The following ST7L variants were observed in gnomAD, a reference collection of about 807,000 sequenced individuals.
ST7L encodes the protein suppression of tumorigenicity 7 like, also known as suppressor of tumorigenicity 7 protein-like.
Under a neutral mutation model 72.5 loss-of-function variants are expected in ST7L, and 57 were observed. The ratio of observed to expected loss-of-function variants is 0.79; its 90% CI spans 0.64 to 0.98. The LOEUF (loss-of-function observed/expected upper bound fraction) is 0.98. Among genes scored for constraint, ST7L ranks in the 50% least tolerant of loss-of-function variants. The pLI, the probability that ST7L is intolerant of heterozygous loss-of-function variation, is 0.00. For synonymous variants in ST7L, 221 were observed against 240.9 expected (o/e 0.92, Z 0.77); for missense variants, 576 against 672.2 (o/e 0.86, Z 1.58).
At chr1:112,533,207 G>A (rs990907939) in intron 14 of ST7L, among the ~76,000 whole-genome samples, 4 of 152,110 alleles carry the variant, frequency 2.6e-5, no homozygotes, top group Admixed American at 1.3e-4. Context: ...ATGCAGTAAC[G>A]TTTGAGTATG....
chr1:112,538,754 G>A (rs1422399915), intron 14 of ST7L, among the ~76,000 whole-genome samples: 1 of 152,176 alleles, frequency 6.6e-6, no homozygotes, highest in Non-Finnish European at 1.5e-5. Flanking sequence ...TAAACAAGAA[G>A]GGGGTAGGGT....
chr1:112,579,423 TAGTA>T (rs1387344716), intron 9 of ST7L, among the ~76,000 whole-genome samples: 1 of 147,692 alleles, frequency 6.8e-6, no homozygotes, highest in African/African-American at 2.5e-5. Flanking sequence ...AACCTGCTTA[TAGTA>T]AGTTCAGGGG....
chr1:112,599,073 A>AAAAAAAAAAAATATAT (rs1190968815), intron 4 of ST7L, among the ~76,000 whole-genome samples: 2 of 56,994 alleles, frequency 3.5e-5, no homozygotes, highest in Non-Finnish European at 6.2e-5. Flanking sequence ...AAAAAAAAAA[A>AAAAAAAAAAAATATAT]ATATATATAT....
rs549410386 is a variant in ST7L at position 112,549,077 on chromosome 1, A to T, written c.1489+1524T>A. Among the ~76,000 whole-genome samples the T allele has an allele frequency of 2.0e-5, 3 of 152,038 alleles. No homozygotes were observed. In the East Asian group the frequency reaches 5.8e-4, roughly 29 times the overall value. ...AGCGATTGTATTGAATCTATAGATC[A>T]ATTTGGAGAGAATCGTCATCTAAAT... is the stretch of plus-strand genomic sequence containing the variant. On this transcript the variant is annotated intron_variant, in intron 13 of 14. Coordinates refer to ENST00000358039, the MANE Select transcript of ST7L (RefSeq NM_017744.5).
At chr1:112,554,991 G>T (rs1371316988) in intron 12 of ST7L, among the ~76,000 whole-genome samples, 2 of 152,138 alleles carry the variant, frequency 1.3e-5, no homozygotes, top group East Asian at 3.9e-4. Context: ...CAAGACTGGG[G>T]AGTTATTATT....
At chr1:112,550,875 G>C (rs1557964278) in intron 12 of ST7L, among the ~76,000 whole-genome samples, 182 bp from the exon 13 acceptor site, 1 of 152,090 alleles carries the variant, frequency 6.6e-6, no homozygotes, top group East Asian at 1.9e-4. Context: ...TTAGATAATA[G>C]TGAATGGTCT....
chr1:112,582,428 T>C lies in ST7L; in HGVS notation c.901A>G (p.Met301Val), dbSNP rs752741137. The C allele has an allele frequency of 2.5e-6, 4 of 1,609,060 alleles. No homozygotes were observed. In the East Asian group the frequency reaches 6.7e-5, roughly 27 times the overall value. ...VLVYIKRRLA[M>V]CARKLGRIRE... is the part of the protein sequence containing the mutation. ...ATTCTTCCTAATTTTCTTGCACACA[T>C]TGCCAATCTTCTTTTAATATATACC... Residue 301 changes from methionine (M) to valine (V), a missense_variant, in exon 8 of 15, where the codon ATG becomes GTG. Met to Val is a conservative substitution (Grantham distance 21). Around this residue, in one of 3 missense-constraint regions of ST7L, gnomAD observed 511 missense variants for 600.7 expected, o/e 0.85. Transcript: ENST00000358039.
chr1:112,605,452 A>G (rs191302717), intron 3 of ST7L, among the ~76,000 whole-genome samples: 96 of 151,998 alleles, frequency 6.3e-4, no homozygotes, highest in African/African-American at 2.2e-3. Context: ...GCACTTTGGG[A>G]GGCCAAGACA....
downstream of ST7L, chr1:112,520,525 A>G (rs1251020602): frequency 6.2e-7 from 1 of 1,610,480 alleles, no homozygotes; most frequent in South Asian, 1.1e-5. Context: ...CAGATACCTC[A>G]CTCATCCCTC....
chr1:112,581,589 G>C (rs1664131385), intron 9 of ST7L, among the ~76,000 whole-genome samples: 1 of 151,888 alleles, frequency 6.6e-6, no homozygotes, highest in Admixed American at 6.6e-5. Context: ...TTTTTTTGTA[G>C]AGACAGGGTC....
intron 11 of ST7L, among the ~76,000 whole-genome samples, chr1:112,566,294 C>CTTTTTTTTTTTTTTTTTTTTT (rs33915951): frequency 4.6e-5 from 5 of 108,974 alleles, no homozygotes; most frequent in Non-Finnish European, 5.2e-5. Context: ...TTTTCTTCTT[C>CTTTTTTTTTTTTTTTTTTTTT]TTCTTTTTTT....
intron 4 of ST7L, among the ~76,000 whole-genome samples, chr1:112,599,973 GGCAGGAGTATTA>G (rs1317112167): frequency 6.6e-6 from 1 of 152,176 alleles, no homozygotes; most frequent in Non-Finnish European, 1.5e-5. Flanking sequence ...GGAAGGCCAA[GGCAGGAGTATTA>G]CTTGGGCCCA....
chr1:112,585,746 AAT>A (rs1664783250), intron 6 of ST7L, among the ~76,000 whole-genome samples: 1 of 152,026 alleles, frequency 6.6e-6, no homozygotes, highest in Non-Finnish European at 1.5e-5. Context: ...AAAAAAAAAA[AAT>A]TAATATTTTG....
At chr1:112,591,480 G>T in intron 6 of ST7L, 45 bp downstream of exon 6, 1 of 1,530,870 alleles carries the variant, frequency 6.5e-7, no homozygotes, top group South Asian at 1.2e-5. Context: ...CATTTGCCTT[G>T]GTTTCCTTCA....
Position 112,576,990 on chromosome 1 carries a change from G to A in ST7L, c.1241C>T (p.Pro414Leu), listed in dbSNP as rs149166844. ...HRAVEFNPHV[P>L]KYLLEMKSLI... ...TTTTATCATAAAATTTCTCACTTTT[G>A]GAACATGAGGATTAAATTCCACAGC... is the stretch of plus-strand genomic sequence containing the variant. Residue 414 changes from proline to leucine, a missense_variant, in exon 11 of 15, where the codon CCA becomes CTA. Coordinates refer to ENST00000358039, the MANE Select transcript of ST7L (RefSeq NM_017744.5). 8.0e-4 allele frequency: 1,273 copies of A among 1,593,778 alleles called. No individual in the cohort carries two copies. The highest frequency in any genetic ancestry group is 1.8e-3 in the Admixed American group (103 of 58,404).
chr1:112,584,462 C>T (rs1175208338), intron 6 of ST7L, among the ~76,000 whole-genome samples: 1 of 151,314 alleles, frequency 6.6e-6, no homozygotes, highest in Non-Finnish European at 1.5e-5. Context: ...AAAGAATTAT[C>T]TGAATTGTAT....
intron 14 of ST7L, among the ~76,000 whole-genome samples, chr1:112,533,606 G>A (rs763237647): frequency 8.6e-5 from 13 of 151,970 alleles, no homozygotes; most frequent in Non-Finnish European, 1.8e-4. Flanking sequence ...GAACCACCAC[G>A]CCCGGCTGAG....
At position 112,619,130 on chromosome 1, in the gene ST7L, G is replaced by A. The variant is rs1399091112; in HGVS notation, c.-17C>T. 1 of 1,611,802 alleles carries A rather than the reference G, an allele frequency of 6.2e-7. No homozygotes were observed. Among genetic ancestry groups the A allele is most frequent in the African/African-American group, 1.3e-5 (1 of 74,896 alleles). On this transcript the variant is annotated 5_prime_UTR_variant, in exon 1 of 15. Coordinates refer to ENST00000358039, the MANE Select transcript of ST7L (RefSeq NM_017744.5). ...GTCCGCCATCTTGCCGCTATCGCAG[G>A]CGCCAGGAGCTGGGAGGGGAGAAGG... is the stretch of plus-strand genomic sequence containing the variant.
At chr1:112,535,722 C>CA (rs879742619) in intron 14 of ST7L, among the ~76,000 whole-genome samples, 285 of 123,760 alleles carry the variant, frequency 2.3e-3, no homozygotes, top group African/African-American at 4.3e-3. Context: ...GACTCTGTCT[C>CA]AAAAAAAAAA....
Sources: allele counts gnomAD v4.1 joint callset (sites outside exome capture counted in the v4.1 genomes callset), GRCh38; gene constraint gnomAD v4.1.1; regional missense constraint gnomAD v4.1.1; transcripts MANE v1.5; gene names NCBI Gene and HGNC (gene_info 2026-07-23, HGNC 2026-07-21).